CELF2: variants seen among roughly 807,000 people sequenced by gnomAD.
The protein encoded by CELF2 is CUG triplet repeat RNA-binding protein 2.
Under a neutral mutation model 62.6 loss-of-function variants are expected in CELF2, and 8 were observed. The ratio of observed to expected loss-of-function variants is 0.13; its 90% CI spans 0.07 to 0.23. CELF2 has a LOEUF of 0.23. Ranked by LOEUF, CELF2 falls within the 10% of genes least tolerant of loss-of-function variation. CELF2 has a pLI of 1.00. For synonymous variants in CELF2, 258 were observed against 250.0 expected, an observed-to-expected ratio of 1.03 and a Z score of -0.30; for missense variants, 333 against 671.0, an observed-to-expected ratio of 0.50 and a Z score of 5.56.
At chr10:11,029,896 C>CA (rs1252181796) in intron 1 of CELF2, among the ~76,000 whole-genome samples, 2 of 152,142 alleles carry the variant, frequency 1.3e-5, no homozygotes, top group African/African-American at 4.8e-5. Flanking sequence ...AAAAAGTGAC[C>CA]AAAATTGGAC....
Position 10,884,537 on chromosome 10 carries a change from T to C in CELF2, c.54-35427T>C, listed in dbSNP as rs1391350725. On this transcript the variant is annotated intron_variant, in intron 1 of 13. Transcript: ENST00000636488. ...GCAAAAGAAAGTCCACATTCTTTAA[T>C]AGGACTTTTAATATTATGAACAGAA... Among the ~76,000 whole-genome samples, 5 of 152,360 alleles carry C rather than the reference T, an allele frequency of 3.3e-5. No individual in the cohort carries two copies. The East Asian group carries it at 9.6e-4, about 29-fold the overall frequency.
chr10:11,262,236 G>T (rs536622608), intron 5 of CELF2, among the ~76,000 whole-genome samples: 1 of 152,242 alleles, frequency 6.6e-6, no homozygotes, highest in South Asian at 2.1e-4. Context: ...ATTGGTTTTT[G>T]TCATATCTGA....
At position 11,314,143 on chromosome 10, in the gene CELF2, T is replaced by A; in HGVS notation, c.981T>A (p.Ala327=). The change falls in exon 10 of 13, where the codon GCT becomes GCA. Residue 327 remains alanine, a synonymous_variant. Coordinates refer to ENST00000633077, the MANE Select transcript of CELF2 (RefSeq NM_001326342.2). The surrounding 1 kb of genome is among the most constrained non-coding windows in gnomAD (Gnocchi z 5.3). ...TCTCTGTTTTCCTTTTTTCAGTGGC[T>A]GCTTCAACCCCCAACTCCACTGCTG... ...SALGALTSPV[A]ASTPNSTAGA... The A allele has an allele frequency of 6.2e-7, 1 of 1,613,116 alleles. No individual in the cohort carries two copies. The highest frequency in any genetic ancestry group is 8.5e-7 in the Non-Finnish European group (1 of 1,179,396).
chr10:10,742,356 C>T, the CELF2 span, among the ~76,000 whole-genome samples: 1 of 152,220 alleles, frequency 6.6e-6, no homozygotes, highest in South Asian at 2.1e-4. Context: ...TGGGTGAGTG[C>T]TGTGGTTCAT....
chr10:10,760,604 G>C, the CELF2 span, among the ~76,000 whole-genome samples: 1 of 152,182 alleles, frequency 6.6e-6, no homozygotes, highest in Non-Finnish European at 1.5e-5. Context: ...CTGCGATGGA[G>C]GGGAGGAAGG....
At chr10:10,684,937 G>T in the CELF2 span, among the ~76,000 whole-genome samples, 1,565 of 152,206 alleles carry the variant, frequency 0.01, 27 homozygotes, top group African/African-American at 0.036. Flanking sequence ...TAAGCATTGA[G>T]AGTTAAGATT....
At chr10:10,942,274 A>G (rs1391998507) in intron 2 of CELF2, among the ~76,000 whole-genome samples, 1 of 152,200 alleles carries the variant, frequency 6.6e-6, no homozygotes, top group East Asian at 1.9e-4. Context: ...TGGGGTCAGG[A>G]AATTGGGCAC....
intron 2 of CELF2, among the ~76,000 whole-genome samples, chr10:10,985,565 A>G (rs549971489): frequency 6.6e-6 from 1 of 152,318 alleles, no homozygotes; most frequent in East Asian, 1.9e-4. Context: ...ATCATCTTTT[A>G]CAAGTTTCCT....
At chr10:11,093,589 G>C (rs2048939159) in intron 1 of CELF2, among the ~76,000 whole-genome samples, 1 of 152,130 alleles carries the variant, frequency 6.6e-6, no homozygotes, top group African/African-American at 2.4e-5. Flanking sequence ...TAGTGAAACT[G>C]TTCCTATATG....
chr10:10,705,833 C>T, the CELF2 span, among the ~76,000 whole-genome samples: 16 of 152,272 alleles, frequency 1.1e-4, no homozygotes, highest in African/African-American at 1.9e-4. Context: ...TCGCCATGAA[C>T]AATTCTAAAT....
chr10:11,035,810 T>C (rs1331674446), intron 1 of CELF2, among the ~76,000 whole-genome samples: 2 of 152,260 alleles, frequency 1.3e-5, no homozygotes, highest in African/African-American at 4.8e-5. Context: ...TAGCCAGATA[T>C]AATGCTTCCT....
the CELF2 span, among the ~76,000 whole-genome samples, chr10:10,643,299 T>TAGTTGAATCAGGGAGACA: frequency 6.6e-6 from 1 of 152,056 alleles, no homozygotes. Flanking sequence ...CAGTTGGAGA[T>TAGTTGAATCAGGGAGACA]AGTTGAATCA....
At chr10:11,087,370 C>T (rs573538531) in intron 1 of CELF2, among the ~76,000 whole-genome samples, 92 of 152,278 alleles carry the variant, frequency 6.0e-4, no homozygotes, top group African/African-American at 2.1e-3. Context: ...CTAAAGAGTC[C>T]TAGGACTCCC....
At chr10:11,240,580 G>T (rs1277422097) in intron 3 of CELF2, among the ~76,000 whole-genome samples, 4 of 151,910 alleles carry the variant, frequency 2.6e-5, no homozygotes, top group African/African-American at 9.7e-5. Context: ...ATTAGCCGGG[G>T]CTACACTTCC....
Position 11,319,293 on chromosome 10 carries a change from A to G in CELF2, c.1097-1896A>G. 2.8e-6 allele frequency: 1 copy of G among 357,356 alleles called. No individual in the cohort carries two copies. The highest frequency in any genetic ancestry group is 2.1e-5 in the South Asian group (1 of 47,984). 22.1% of individuals were successfully genotyped at this position (357,356 alleles called of 1,614,324 possible). A position where few individuals can be genotyped will look rare whatever the true frequency, so the allele number is the denominator to read the frequency against. On this transcript the variant is annotated intron_variant, in intron 10 of 12. Transcript: ENST00000633077. The surrounding 1 kb of genome is among the most constrained non-coding windows in gnomAD (Gnocchi z 4.4). ...TGTACATACCCCTCTCACCTATCTC[A>G]AAAAACACGGAAGTTCCTTTGCATC...
chr10:10,977,634 TAA>T lies in CELF2; in HGVS notation c.89+57638_89+57639del, dbSNP rs201468995. On this transcript the variant is annotated intron_variant, in intron 2 of 13. Transcript: ENST00000636488. ...CATTTTTCTGAATGTCATCCCCTTC[TAA>T]AATTATGGGGAAATCTTTGCAGTTT... Among the ~76,000 whole-genome samples, 1,281 of 152,356 alleles carry T rather than the reference TAA, an allele frequency of 8.4e-3. 14 individuals carry two copies. The highest frequency in any genetic ancestry group is 0.029 in the African/African-American group (1,214 of 41,574).
the CELF2 span, among the ~76,000 whole-genome samples, chr10:10,620,822 G>T: frequency 6.7e-6 from 1 of 149,518 alleles, no homozygotes; most frequent in African/African-American, 2.5e-5. Flanking sequence ...GGAGGCTGAG[G>T]CAGGAGAATG....
Position 10,993,760 on chromosome 10 carries a change from C to T in CELF2, c.89+73761C>T, listed in dbSNP as rs1398621706. On this transcript the variant is annotated intron_variant, in intron 2 of 13. Coordinates refer to the CELF2 transcript ENST00000636488. The surrounding 1 kb of genome is among the most constrained non-coding windows in gnomAD (Gnocchi z 5.3). ...ATATCGATATGGACTCAGCTGTGTT[C>T]TCCCCAAAATTTGTGTGTTGAAGTC... Among the ~76,000 whole-genome samples the T allele has an allele frequency of 6.6e-6, 1 of 152,150 alleles. No individual in the cohort carries two copies. Among genetic ancestry groups the T allele is most frequent in the African/African-American group, 2.4e-5 (1 of 41,436 alleles).
At chr10:11,001,648 T>C (rs77092104), upstream of CELF2, among the ~76,000 whole-genome samples, 91 of 152,330 alleles carry the variant, frequency 6.0e-4, 3 homozygotes, top group East Asian at 0.015. Context: ...ATTGCAGAAC[T>C]TTTCTAGTTT....
Sources: allele counts gnomAD v4.1 joint callset (sites outside exome capture counted in the v4.1 genomes callset), GRCh38; gene constraint gnomAD v4.1.1; non-coding constraint Gnocchi (gnomAD v3.1); transcripts MANE v1.5; gene names NCBI Gene and HGNC (gene_info 2026-07-23, HGNC 2026-07-21).